The following VRK2 variants were observed in gnomAD, a reference collection of about 807,000 sequenced individuals.
The protein encoded by VRK2 is VRK serine/threonine kinase 2.
VRK2 carries 60 observed loss-of-function variants against 57.6 expected under a neutral mutation model. That is an observed-to-expected ratio of 1.04 (90% CI 0.85 to 1.29). The LOEUF is 1.29. VRK2 is among the 50% of genes most tolerant of loss of function. The pLI is 0.00. For synonymous variants in VRK2, 231 were observed against 199.2 expected, an observed-to-expected ratio of 1.16 and a Z score of -1.35; for missense variants, 705 against 588.1, an observed-to-expected ratio of 1.20 and a Z score of -2.06.
chr2:57,936,124 T>C (rs778059771), intron 1 of VRK2, among the ~76,000 whole-genome samples: 1 of 152,212 alleles, frequency 6.6e-6, no homozygotes, highest in South Asian at 2.1e-4. Flanking sequence ...TATTAAGTTC[T>C]CATTCTAAGA....
chr2:57,962,125 T>C (rs1225549641), intron 1 of VRK2, among the ~76,000 whole-genome samples: 1 of 152,116 alleles, frequency 6.6e-6, no homozygotes, highest in Non-Finnish European at 1.5e-5. Flanking sequence ...TGTCTTCCAA[T>C]AACATTTCCA....
intron 12 of VRK2, among the ~76,000 whole-genome samples, chr2:58,146,678 A>T (rs888198888): frequency 5.3e-5 from 8 of 152,000 alleles, no homozygotes; most frequent in African/African-American, 1.9e-4. Flanking sequence ...CAGTAAGCAC[A>T]TTTGCGTACA....
At chr2:57,950,030 A>G (rs556737049) in intron 1 of VRK2, among the ~76,000 whole-genome samples, 1 of 152,350 alleles carries the variant, frequency 6.6e-6, no homozygotes, top group East Asian at 1.9e-4. Context: ...GAAGCTGTAG[A>G]AGAAACACCT....
intron 12 of VRK2, among the ~76,000 whole-genome samples, chr2:58,156,130 A>G (rs563935686): frequency 7.2e-5 from 11 of 151,948 alleles, no homozygotes; most frequent in Admixed American, 1.3e-4. Flanking sequence ...TTTCTTGTCT[A>G]TAACTGGATG....
At chr2:57,982,653 G>T (rs1572934531) in intron 1 of VRK2, among the ~76,000 whole-genome samples, 1 of 152,172 alleles carries the variant, frequency 6.6e-6, no homozygotes, top group Non-Finnish European at 1.5e-5. Flanking sequence ...CTGCAAGCAG[G>T]TGCAGCAAGG....
At chr2:58,062,349 T>C (rs1025195635) in intron 2 of VRK2, among the ~76,000 whole-genome samples, 4 of 152,024 alleles carry the variant, frequency 2.6e-5, no homozygotes, top group African/African-American at 7.2e-5. Context: ...AATTTTGAAA[T>C]TAGGCCAATT....
At chr2:57,998,145 G>A (rs970412653) in intron 1 of VRK2, among the ~76,000 whole-genome samples, 2 of 152,142 alleles carry the variant, frequency 1.3e-5, no homozygotes, top group Admixed American at 6.5e-5. Context: ...GGTGGGCAGG[G>A]TTGAGCGGAA....
At chr2:58,060,905 A>G (rs1204425599) in intron 2 of VRK2, among the ~76,000 whole-genome samples, 2 of 151,910 alleles carry the variant, frequency 1.3e-5, no homozygotes, top group Non-Finnish European at 2.9e-5. Flanking sequence ...GCCAAATTGA[A>G]TGTCTCTTAG....
chr2:58,102,701 A>G (rs553370339), intron 7 of VRK2, among the ~76,000 whole-genome samples: 12 of 151,666 alleles, frequency 7.9e-5, no homozygotes, highest in Admixed American at 6.6e-4. Flanking sequence ...TCATTGAGAC[A>G]GAAAATCAGC....
At chr2:58,131,096 C>G (rs1679130194) in intron 8 of VRK2, among the ~76,000 whole-genome samples, 1 of 151,908 alleles carries the variant, frequency 6.6e-6, no homozygotes, top group South Asian at 2.1e-4. Flanking sequence ...TTGAAGGCCT[C>G]TATTTGGCTC....
At chr2:57,921,154 T>C (rs1488422917) in intron 1 of VRK2, among the ~76,000 whole-genome samples, 2 of 152,062 alleles carry the variant, frequency 1.3e-5, no homozygotes, top group Non-Finnish European at 2.9e-5. Flanking sequence ...ATGGCCTACA[T>C]CAGAATCATC....
intron 1 of VRK2, among the ~76,000 whole-genome samples, chr2:57,915,048 G>A (rs1012195219): frequency 6.6e-6 from 1 of 152,070 alleles, no homozygotes; most frequent in African/African-American, 2.4e-5. Context: ...TAAGTGCACT[G>A]TAAAATGAAA....
intron 1 of VRK2, among the ~76,000 whole-genome samples, chr2:57,915,624 G>C (rs780118987): frequency 5.3e-5 from 8 of 152,100 alleles, no homozygotes; most frequent in Non-Finnish European, 1.2e-4. Flanking sequence ...ATGAACAAGA[G>C]GAAATTCCAG....
chr2:58,039,786 C>A (rs1241680715), intron 3 of VRK2, among the ~76,000 whole-genome samples: 1 of 152,042 alleles, frequency 6.6e-6, no homozygotes, highest in Non-Finnish European at 1.5e-5. Flanking sequence ...AAAGGAAATG[C>A]ACTAAAATGT....
At chr2:58,155,924 T>TG (rs1407567357) in intron 12 of VRK2, among the ~76,000 whole-genome samples, 3 of 151,282 alleles carry the variant, frequency 2.0e-5, no homozygotes, top group African/African-American at 7.3e-5. Context: ...CATGTTTGTT[T>TG]TTTTTTTTTT....
chr2:57,996,889 G>T, intron 1 of VRK2, among the ~76,000 whole-genome samples: 1 of 148,596 alleles, frequency 6.7e-6, no homozygotes. Flanking sequence ...GCACCATATT[G>T]TTTTCATTTT....
At chr2:57,961,623 A>C (rs1054659023) in intron 1 of VRK2, among the ~76,000 whole-genome samples, 4,620 of 95,488 alleles carry the variant, frequency 0.048, 3 homozygotes, top group Middle Eastern at 0.055. Context: ...CACTGTACCC[A>C]CCCCCCCCCC....
chr2:57,923,553 C>A (rs72945348), intron 1 of VRK2, among the ~76,000 whole-genome samples: 4,597 of 150,932 alleles, frequency 0.03, 243 homozygotes, highest in African/African-American at 0.11. Context: ...CTATTCAGAT[C>A]TTTTGTCTGT....
At chr2:57,941,362 GAA>G (rs1671088459) in intron 1 of VRK2, among the ~76,000 whole-genome samples, 1 of 152,112 alleles carries the variant, frequency 6.6e-6, no homozygotes, top group Non-Finnish European at 1.5e-5. Flanking sequence ...CAGGATGGCT[GAA>G]CTGGACACAT....
Sources: gnomAD v4.1 joint callset for allele counts (sites outside exome capture counted in the v4.1 genomes callset) on GRCh38, gnomAD v4.1.1 for gene constraint, MANE v1.5 for transcripts, NCBI Gene and HGNC (gene_info 2026-07-23, HGNC 2026-07-21) for gene names.